The following DNASE2B variants were observed in gnomAD, a reference collection of about 807,000 sequenced individuals.
DNASE2B encodes the protein deoxyribonuclease 2 beta.
DNASE2B carries 43 observed loss-of-function variants against 46.0 expected under a neutral mutation model. The observed-to-expected ratio is 0.94, with a 90% CI of 0.73 to 1.21. The LOEUF (loss-of-function observed/expected upper bound fraction) is 1.21. Among genes scored for constraint, DNASE2B ranks in the 50% most tolerant of loss-of-function variants. The probability of loss-of-function intolerance (pLI) is 0.00; values close to 1 mark genes in which losing one functional copy is unlikely to be tolerated. For synonymous variants in DNASE2B, 156 were observed against 152.5 expected (o/e 1.02, Z -0.17); for missense variants, 395 against 414.4 (o/e 0.95, Z 0.41).
At chr1:84,401,854 A>C (rs1339594189) in intron 1 of DNASE2B, 47 bp from the exon 2 acceptor site, 5 of 1,374,400 alleles carry the variant, frequency 3.6e-6, no homozygotes, top group Non-Finnish European at 2.9e-6. Context: ...CTGCCACAGG[A>C]AAACAGTCAA....
At chr1:84,413,806 T>C (rs12029668) in intron 5 of DNASE2B, among the ~76,000 whole-genome samples, 80,430 of 152,054 alleles carry the variant, frequency 0.53, 21,318 homozygotes, top group East Asian at 0.61. Context: ...CCAAACTCAC[T>C]GCGTCATCAT....
chr1:84,414,058 A>G (rs1680647912), intron 5 of DNASE2B, among the ~76,000 whole-genome samples: 3 of 152,246 alleles, frequency 2.0e-5, no homozygotes, highest in Admixed American at 6.5e-5. Flanking sequence ...TGTCCTTCCC[A>G]ATTCATCCTG....
At chr1:84,413,457 A>G (rs571068869) in intron 5 of DNASE2B, among the ~76,000 whole-genome samples, 12 of 152,344 alleles carry the variant, frequency 7.9e-5, no homozygotes, top group African/African-American at 2.4e-4. Context: ...CAGGACAGAG[A>G]CAGTCTCTGC....
At chr1:84,403,700 C>T (rs950504401) in intron 2 of DNASE2B, among the ~76,000 whole-genome samples, 3 of 152,146 alleles carry the variant, frequency 2.0e-5, no homozygotes, top group Non-Finnish European at 2.9e-5. Context: ...TGTTTCTATA[C>T]AGTAGTAATC....
At chr1:84,408,609 A>G in intron 3 of DNASE2B, 91 bp downstream of exon 3, 8 of 1,038,526 alleles carry the variant, frequency 7.7e-6, no homozygotes, top group Non-Finnish European at 1.1e-5. Flanking sequence ...TCCATACTAA[A>G]TAGATAGCCT....
chr1:84,403,662 T>A (rs1001724802), intron 2 of DNASE2B, among the ~76,000 whole-genome samples: 8 of 152,050 alleles, frequency 5.3e-5, no homozygotes, highest in Non-Finnish European at 7.4e-5. Flanking sequence ...ATGAATTCTA[T>A]CTATTTGCTT....
chr1:84,412,268 C>A, intron 4 of DNASE2B, 81 bp from the exon 5 acceptor site: 4 of 1,220,094 alleles, frequency 3.3e-6, no homozygotes, highest in South Asian at 2.4e-5. Flanking sequence ...GTTTTTAAAT[C>A]CACAAAAAGA....
In DNASE2B at chr1:84,414,395, T is replaced by C. The variant is rs891905127; in HGVS notation, c.746-133T>C. On this transcript the variant is annotated intron_variant, in intron 5 of 5. Coordinates refer to ENST00000370665, the MANE Select transcript of DNASE2B (RefSeq NM_021233.3). ...AATGTTTTCTCATCCACTATCTCAA[T>C]TATGTTGTTATTATTGTGCTCGTGA... 1.5e-5 allele frequency: 11 copies of C among 726,910 alleles called. No homozygotes were observed. In the South Asian group the frequency reaches 1.9e-4, roughly 13 times the overall value. The allele number at this position is 726,910 out of a possible 1,614,324, so 45.0% of individuals were successfully genotyped here.
At chr1:84,412,570 A>T in intron 5 of DNASE2B, 24 bp downstream of exon 5, 1 of 1,580,522 alleles carries the variant, frequency 6.3e-7, no homozygotes, top group Non-Finnish European at 8.6e-7. Context: ...TCATCAAACA[A>T]CATGCTGTAT....
rs145614783 is a variant in DNASE2B at position 84,414,762 on chromosome 1, G to A, written c.980G>A (p.Arg327Gln). ...NRWTCIGDLN[R>Q]SPHQAFRSGG... ...TGGACATGTATTGGAGACCTAAATCGGAGTCCACACCAAGCCTTCAGAAGT... is the reference window on the plus strand; with the variant it reads ...TGGACATGTATTGGAGACCTAAATCAGAGTCCACACCAAGCCTTCAGAAGT... Residue 327 changes from arginine to glutamine, a missense_variant, in exon 6 of 6, where the codon CGG becomes CAG. Transcript: ENST00000370665. The A allele has an allele frequency of 3.8e-5, 61 of 1,613,994 alleles. No homozygotes were observed. The highest frequency in any genetic ancestry group is 4.8e-5 in the Non-Finnish European group (57 of 1,180,010).
At chr1:84,409,945 G>A (rs766857306) in intron 3 of DNASE2B, among the ~76,000 whole-genome samples, 2 of 152,084 alleles carry the variant, frequency 1.3e-5, no homozygotes, top group African/African-American at 2.4e-5. Context: ...CCTTGACACA[G>A]GTATTGATTC....
At chr1:84,409,581 G>A (rs1400968250) in intron 3 of DNASE2B, among the ~76,000 whole-genome samples, 2 of 152,150 alleles carry the variant, frequency 1.3e-5, no homozygotes, top group Non-Finnish European at 2.9e-5. Context: ...GGCTGACAAA[G>A]GTCATGAACT....
intron 2 of DNASE2B, among the ~76,000 whole-genome samples, chr1:84,404,255 AT>A (rs1330034358): frequency 6.6e-6 from 1 of 151,944 alleles, no homozygotes; most frequent in Non-Finnish European, 1.5e-5. Flanking sequence ...TAGCTTTTGA[AT>A]TTCTCCAGGA....
chr1:84,407,689 G>T (rs1171402229), intron 2 of DNASE2B, among the ~76,000 whole-genome samples: 2 of 151,766 alleles, frequency 1.3e-5, no homozygotes, highest in Non-Finnish European at 2.9e-5. Flanking sequence ...ACAAATATTA[G>T]CAAGTTTCTA....
intron 3 of DNASE2B, 128 bp downstream of exon 3, chr1:84,408,646 T>C: frequency 1.5e-6 from 1 of 660,304 alleles, no homozygotes; most frequent in Non-Finnish European, 2.3e-6. Context: ...ATTTGAGTTA[T>C]TGAAATGTAT....
At chr1:84,408,664 A>G in intron 3 of DNASE2B, 146 bp downstream of exon 3, 2 of 553,476 alleles carry the variant, frequency 3.6e-6, no homozygotes, top group Non-Finnish European at 5.8e-6. Flanking sequence ...TATGACTTCT[A>G]TATCACTGGT....
Position 84,401,919 on chromosome 1 carries a change from A to T in DNASE2B, c.144A>T (p.Leu48Phe). The part of the protein sequence containing the change: ...KAVDWFTFYK[L>F]PKRQNKESGE... ...CTGTTAGGTTTACTTTTTATAAGTT[A>T]CCTAAAAGACAAAACAAGGAAAGTG... Residue 48 changes from leucine (L) to phenylalanine (F), a missense_variant, in exon 2 of 6, where the codon TTA becomes TTT. Physicochemically the swap from Leu to Phe is conservative, Grantham distance 22 (BLOSUM62 0). Coordinates refer to ENST00000370665, the MANE Select transcript of DNASE2B (RefSeq NM_021233.3). 6.6e-7 allele frequency: 1 copy of T among 1,522,450 alleles called. No homozygotes were observed. 94.3% of individuals were successfully genotyped at this position (1,522,450 alleles called of 1,614,324 possible).
At chr1:84,411,147 T>C (rs1680585069) in intron 4 of DNASE2B, 148 bp downstream of exon 4, 1 of 1,023,772 alleles carries the variant, frequency 9.8e-7, no homozygotes, top group Admixed American at 2.6e-5. Context: ...CATGGTGAGG[T>C]CTTGGGCAGG....
rs576633440 is a variant in DNASE2B at position 84,400,849 on chromosome 1, C to T, written c.126-1052C>T. 3.3e-5 allele frequency among the ~76,000 whole-genome samples: 5 copies of T among 152,272 alleles called. No individual in the cohort carries two copies. The East Asian group carries it at 7.7e-4, about 23-fold the overall frequency. On this transcript the variant is annotated intron_variant, in intron 1 of 5. Transcript: ENST00000370665. ...TGAGAAAGGTAAGGAAAGAGACCATCAAGTCAGCACCAAAGAATAATTTCA... is the reference window on the plus strand; with the variant it reads ...TGAGAAAGGTAAGGAAAGAGACCATTAAGTCAGCACCAAAGAATAATTTCA...
Sources: gnomAD v4.1 joint callset for allele counts (sites outside exome capture counted in the v4.1 genomes callset) on GRCh38, gnomAD v4.1.1 for gene constraint, MANE v1.5 for transcripts, NCBI Gene and HGNC (gene_info 2026-07-23, HGNC 2026-07-21) for gene names.